The following TSPEAR variants were observed in gnomAD, a reference collection of about 807,000 sequenced individuals.
TSPEAR encodes the protein thrombospondin type laminin G domain and EAR repeats.
TSPEAR carries 69 observed loss-of-function variants against 71.6 expected under a neutral mutation model. That is an observed-to-expected ratio of 0.96 (90% CI 0.79 to 1.18). The LOEUF is 1.18. TSPEAR is among the 50% of genes most tolerant of loss of function. TSPEAR has a pLI of 0.00. For missense variants in TSPEAR, 971 were observed against 894.9 expected (o/e 1.09, Z -1.09); for synonymous variants, 402 against 387.2 (o/e 1.04, Z -0.45).
intron 1 of TSPEAR, chr21:44,575,292 C>G: frequency 4.2e-6 from 2 of 481,514 alleles, no homozygotes; most frequent in Non-Finnish European, 7.7e-6. Flanking sequence ...GGTCTCTGTC[C>G]TCCTGGCTCA....
intron 2 of TSPEAR, chr21:44,558,905 T>A: frequency 1.3e-6 from 1 of 770,310 alleles, no homozygotes; most frequent in Non-Finnish European, 2.1e-6. Context: ...TAGGCACTGT[T>A]GTGTTAGTAG....
chr21:44,532,526 G>C (rs782025712), intron 3 of TSPEAR, among the ~76,000 whole-genome samples: 3 of 152,182 alleles, frequency 2.0e-5, no homozygotes, highest in Non-Finnish European at 4.4e-5. Flanking sequence ...TGGGAGAGAG[G>C]CTCTGATAAA....
rs370171231 is a variant in TSPEAR, at chr21:44,654,631, G to A, written c.82+56802C>T. On this transcript the variant is annotated intron_variant, in intron 1 of 11. Coordinates refer to ENST00000323084, the MANE Select transcript of TSPEAR (RefSeq NM_144991.3). Reference sequence around the variant, plus strand: ...GTGGCACATGATGGAGTGTGGACAGGTGGGGGGCGCAGAGGACAGGGCTGG... The same window carrying A: ...GTGGCACATGATGGAGTGTGGACAGATGGGGGGCGCAGAGGACAGGGCTGG... The A allele has an allele frequency of 1.1e-5, 17 of 1,511,908 alleles. No individual in the cohort carries two copies. In the African/African-American group the frequency reaches 2.0e-4, roughly 18 times the overall value. The allele number at this position is 1,511,908 out of a possible 1,614,324, so 93.7% of individuals were successfully genotyped here.
At chr21:44,628,096 G>T in intron 1 of TSPEAR, 1 of 1,578,698 alleles carries the variant, frequency 6.3e-7, no homozygotes, top group Non-Finnish European at 8.6e-7. Context: ...CCACCTCCCT[G>T]CCAGTCCTTG....
chr21:44,551,223 C>A (rs782391999), intron 2 of TSPEAR: 1 of 1,590,890 alleles, frequency 6.3e-7, no homozygotes, highest in South Asian at 1.1e-5. Context: ...CTGCTGGCAG[C>A]ACGAGGGCGT....
chr21:44,579,884 G>A, intron 1 of TSPEAR: 1 of 1,600,520 alleles, frequency 6.2e-7, no homozygotes, highest in Non-Finnish European at 8.5e-7. Flanking sequence ...CAGGCAGCAG[G>A]CGGGCCTGCA....
chr21:44,499,511 G>T lies in TSPEAR; in HGVS notation c.*272C>A. 1 of 439,588 alleles carries T rather than the reference G, an allele frequency of 2.3e-6. No homozygotes were observed. The highest frequency in any genetic ancestry group is 3.6e-5 in the South Asian group (1 of 27,416). The allele number at this position is 439,588 out of a possible 1,614,324, so 27.2% of individuals were successfully genotyped here. On this transcript the variant is annotated 3_prime_UTR_variant, in exon 12 of 12. Coordinates refer to ENST00000323084, the MANE Select transcript of TSPEAR (RefSeq NM_144991.3). ...ACGGTTCCTTGACAGCGAAATCCCCGCTTGACACTCAGATGGGCGAGCACT... is the reference window on the plus strand; with the variant it reads ...ACGGTTCCTTGACAGCGAAATCCCCTCTTGACACTCAGATGGGCGAGCACT...
At chr21:44,672,549 G>A (rs587625572) in intron 1 of TSPEAR, among the ~76,000 whole-genome samples, 3 of 150,060 alleles carry the variant, frequency 2.0e-5, no homozygotes, top group African/African-American at 4.9e-5. Flanking sequence ...CAGGCTGGGC[G>A]ATAGAGCAAA....
chr21:44,706,518 C>T (rs1348354548), intron 1 of TSPEAR, among the ~76,000 whole-genome samples: 8 of 152,358 alleles, frequency 5.3e-5, no homozygotes, highest in Admixed American at 5.2e-4. Context: ...CCCAGCCGTG[C>T]AGAACGATCC....
intron 1 of TSPEAR, chr21:44,678,007 A>G: frequency 2.3e-6 from 2 of 885,634 alleles, no homozygotes; most frequent in South Asian, 2.8e-5. Flanking sequence ...GCATGGTCAC[A>G]GTGGACGGAG....
rs1555942360 is a variant in TSPEAR at position 44,655,167 on chromosome 21, G to A, written c.82+56266C>T. ...ATCTCATTCATCTTTGCCAGCATTC[G>A]GGGTGGCCGATACCCCATTTTACAG... On this transcript the variant is annotated intron_variant, in intron 1 of 11. Transcript: ENST00000323084. Among the ~76,000 whole-genome samples, 7 of 152,266 alleles carry A rather than the reference G, an allele frequency of 4.6e-5. 2 individuals are homozygous for A. The highest frequency in any genetic ancestry group is 2.4e-5 in the African/African-American group (1 of 41,528).
chr21:44,637,966 C>A, intron 1 of TSPEAR: 1 of 1,614,000 alleles, frequency 6.2e-7, no homozygotes, highest in Non-Finnish European at 8.5e-7. Flanking sequence ...CCGCCTCCTG[C>A]TGCAGACCCT....
In TSPEAR at chr21:44,637,339, T is replaced by C. The variant is rs587642740; in HGVS notation, c.83-69334A>G. The C allele has an allele frequency of 9.6e-5, 146 of 1,528,258 alleles. 2 individuals are homozygous for C. The highest frequency in any genetic ancestry group is 9.2e-4 in the African/African-American group (67 of 72,598). 94.7% of individuals were successfully genotyped at this position (1,528,258 alleles called of 1,614,324 possible). A position where few individuals can be genotyped will look rare whatever the true frequency, so the allele number is the denominator to read the frequency against. ...CTGGGCATATAAAAGCCCCAGCAGC[T>C]GACAGGCTCACACACACACTCACTC... is the stretch of plus-strand genomic sequence containing the variant. On this transcript the variant is annotated intron_variant, in intron 1 of 11. Transcript: ENST00000323084.
At chr21:44,611,624 C>T (rs1319616199) in intron 1 of TSPEAR, among the ~76,000 whole-genome samples, 4 of 152,126 alleles carry the variant, frequency 2.6e-5, no homozygotes, top group Admixed American at 2.6e-4. Flanking sequence ...AGGGGGCATT[C>T]CTAGCCGAGA....
chr21:44,550,823 C>T, intron 2 of TSPEAR: 1 of 1,535,294 alleles, frequency 6.5e-7, no homozygotes, highest in East Asian at 2.5e-5. Context: ...GGCAGCTAGA[C>T]TGCTGGCAGC....
At chr21:44,697,268 T>C (rs1987393598) in intron 1 of TSPEAR, 12 of 1,613,966 alleles carry the variant, frequency 7.4e-6, no homozygotes, top group Non-Finnish European at 9.3e-6. Context: ...CTGTGACTCT[T>C]GCTCCGACTC....
chr21:44,553,531 A>G (rs1198776121), intron 2 of TSPEAR, among the ~76,000 whole-genome samples: 3 of 152,200 alleles, frequency 2.0e-5, no homozygotes, highest in South Asian at 2.1e-4. Flanking sequence ...CACAAATATA[A>G]TGAGAGAAAA....
At chr21:44,587,855 A>C (rs1214183051) in intron 1 of TSPEAR, among the ~76,000 whole-genome samples, 1 of 152,236 alleles carries the variant, frequency 6.6e-6, no homozygotes, top group Admixed American at 6.5e-5. Flanking sequence ...CTCATCTCTC[A>C]CCTTATATAA....
intron 1 of TSPEAR, among the ~76,000 whole-genome samples, chr21:44,620,582 G>A (rs1333615624): frequency 1.3e-5 from 2 of 152,156 alleles, no homozygotes; most frequent in African/African-American, 2.4e-5. Context: ...TCTAGACAGA[G>A]GTTTGTCAAA....
Sources: gnomAD v4.1 joint callset for allele counts (sites outside exome capture counted in the v4.1 genomes callset) on GRCh38, gnomAD v4.1.1 for gene constraint, MANE v1.5 for transcripts, NCBI Gene and HGNC (gene_info 2026-07-23, HGNC 2026-07-21) for gene names.